The following MRPS21 variants were observed in gnomAD, a reference collection of about 807,000 sequenced individuals.
MRPS21 encodes mitochondrial ribosomal protein S21.
A neutral mutation model predicts 9.9 loss-of-function variants in MRPS21; 8 were observed. The ratio of observed to expected loss-of-function variants is 0.81; its 90% CI spans 0.47 to 1.45. MRPS21 has a LOEUF of 1.45. Among genes scored for constraint, MRPS21 ranks in the 40% most tolerant of loss-of-function variants. The pLI is 0.00. For missense variants in MRPS21, 101 were observed against 118.9 expected (o/e 0.85, Z 0.70); for synonymous variants, 40 against 40.3 (o/e 0.99, Z 0.03).
At chr1:150,302,828 G>A (rs1297452718) in intron 2 of MRPS21, among the ~76,000 whole-genome samples, 2 of 152,164 alleles carry the variant, frequency 1.3e-5, no homozygotes, top group African/African-American at 4.8e-5. Flanking sequence ...GGACTCTGGG[G>A]CATTTGAAGA....
At chr1:150,294,081 C>T (rs1471258533) in intron 1 of MRPS21, 183 bp downstream of exon 1, 9 of 367,918 alleles carry the variant, frequency 2.4e-5, no homozygotes, top group Non-Finnish European at 4.2e-5. Context: ...TCGTGTCCTT[C>T]TCATGCCCGG....
At position 150,294,444 on chromosome 1, in the gene MRPS21, A is replaced by C; in HGVS notation, c.78A>C (p.Leu26=). The C allele has an allele frequency of 6.2e-7, 1 of 1,610,364 alleles. No individual in the cohort carries two copies. The highest frequency in any genetic ancestry group is 8.5e-7 in the Non-Finnish European group (1 of 1,176,704). Residue 26 remains leucine (L), a synonymous_variant, in exon 2 of 3, where the codon CTA becomes CTC. Transcript: ENST00000614145. The part of the protein sequence containing the change: ...EGNVESAYRT[L]NRILTMDGLI... Reference sequence around the variant, plus strand: ...ACGTGGAAAGCGCATACAGGACCCTAAACAGGTAACTGTTAAGGGACCAGA... The same window carrying C: ...ACGTGGAAAGCGCATACAGGACCCTCAACAGGTAACTGTTAAGGGACCAGA...
intron 2 of MRPS21, among the ~76,000 whole-genome samples, chr1:150,301,928 C>G (rs587609013): frequency 1.3e-5 from 2 of 152,272 alleles, no homozygotes; most frequent in South Asian, 4.1e-4. Flanking sequence ...TAAGGACTTT[C>G]AAGCTTGCAT....
At chr1:150,301,327 C>T (rs1452556879) in intron 2 of MRPS21, 5 of 267,752 alleles carry the variant, frequency 1.9e-5, no homozygotes, top group African/African-American at 3.1e-5. Flanking sequence ...GAGAGCGAGA[C>T]TTCGTCTCAA....
intron 2 of MRPS21, among the ~76,000 whole-genome samples, chr1:150,300,076 C>G (rs1654061595): frequency 6.6e-6 from 1 of 151,870 alleles, no homozygotes; most frequent in East Asian, 1.9e-4. Flanking sequence ...GGCACAGTGA[C>G]TCATGCCTGT....
chr1:150,302,117 T>C (rs1654159101), intron 2 of MRPS21, among the ~76,000 whole-genome samples: 1 of 152,228 alleles, frequency 6.6e-6, no homozygotes, highest in South Asian at 2.1e-4. Context: ...CTGATCTCTT[T>C]CAGCTTTCTC....
chr1:150,298,923 AAG>A (rs1381889380), intron 2 of MRPS21, among the ~76,000 whole-genome samples: 6 of 152,260 alleles, frequency 3.9e-5, no homozygotes, highest in African/African-American at 1.4e-4. Flanking sequence ...CAGTTGTATC[AAG>A]AGAGTAGCGG....
intron 1 of MRPS21, 114 bp from the exon 2 acceptor site, chr1:150,294,221 C>T (rs1389762230): frequency 4.6e-6 from 3 of 658,502 alleles, no homozygotes; most frequent in Non-Finnish European, 8.2e-6. Flanking sequence ...TGCTCCATCT[C>T]GCGCGTCCCT....
chr1:150,305,276 T>C (rs1572152023), intron 2 of MRPS21, among the ~76,000 whole-genome samples: 1 of 152,170 alleles, frequency 6.6e-6, no homozygotes, highest in Non-Finnish European at 1.5e-5. Flanking sequence ...TGGGCTCAAG[T>C]GATCCTCCCA....
At chr1:150,301,918 T>G (rs1473181287) in intron 2 of MRPS21, among the ~76,000 whole-genome samples, 2 of 152,120 alleles carry the variant, frequency 1.3e-5, no homozygotes, top group Non-Finnish European at 2.9e-5. Context: ...ATTTTCTAGG[T>G]AAGGACTTTC....
intron 2 of MRPS21, among the ~76,000 whole-genome samples, chr1:150,302,805 A>G (rs1353723432): frequency 6.6e-6 from 1 of 152,076 alleles, no homozygotes; most frequent in African/African-American, 2.4e-5. Flanking sequence ...TTGAGTAGAT[A>G]CCTCTACTAT....
rs1410254698 is a variant in MRPS21, at chr1:150,308,283, CT to C, written c.*59del. On this transcript the variant is annotated 3_prime_UTR_variant, in exon 3 of 3. Transcript: ENST00000614145. ...CCCTCATCCAGTTTTCTCTCCATCT[CT>C]TTTCTTTGTACAATCCCATTTCCTA... 1.4e-5 allele frequency: 21 copies of C among 1,531,316 alleles called. No individual in the cohort carries two copies. In the African/African-American group the frequency reaches 2.7e-4, roughly 20 times the overall value. The allele number at this position is 1,531,316 out of a possible 1,614,324, so 94.9% of individuals were successfully genotyped here.
At chr1:150,298,379 T>G (rs1553856953) in intron 2 of MRPS21, among the ~76,000 whole-genome samples, 1 of 152,242 alleles carries the variant, frequency 6.6e-6, no homozygotes, top group African/African-American at 2.4e-5. Flanking sequence ...CTGTATGATT[T>G]ATTTTGGTAG....
At chr1:150,294,246 T>A in intron 1 of MRPS21, 89 bp from the exon 2 acceptor site, 1 of 870,530 alleles carries the variant, frequency 1.1e-6, no homozygotes, top group Non-Finnish European at 1.9e-6. Flanking sequence ...ATGTTGAATT[T>A]CCAAATCCTA....
chr1:150,302,330 T>A (rs967957298), intron 2 of MRPS21, among the ~76,000 whole-genome samples: 7 of 152,052 alleles, frequency 4.6e-5, no homozygotes, highest in African/African-American at 1.7e-4. Flanking sequence ...CCCTCATTGG[T>A]GCCCCGGGAT....
intron 1 of MRPS21, 65 bp downstream of exon 1, chr1:150,293,963 T>C (rs1411221947): frequency 1.4e-5 from 3 of 214,500 alleles, no homozygotes; most frequent in African/African-American, 6.8e-5. Context: ...GTTTGCGGGC[T>C]TTCGCCCCCT....
intron 2 of MRPS21, among the ~76,000 whole-genome samples, chr1:150,296,805 C>A (rs1653928967): frequency 6.6e-6 from 1 of 151,858 alleles, no homozygotes; most frequent in African/African-American, 2.4e-5. Flanking sequence ...GTTCATTTTC[C>A]AATTTAGAAT....
intron 2 of MRPS21, among the ~76,000 whole-genome samples, chr1:150,295,952 CT>C (rs35860472): frequency 0.5 from 57,967 of 115,710 alleles, 12,126 homozygotes; most frequent in East Asian, 0.71. Flanking sequence ...CCTAGTAATA[CT>C]TTTTTTTTTT....
intron 2 of MRPS21, among the ~76,000 whole-genome samples, chr1:150,295,195 C>T (rs1012096995): frequency 1.1e-4 from 16 of 151,870 alleles, no homozygotes; most frequent in African/African-American, 3.6e-4. Context: ...GGGGTTTCAC[C>T]GTGTTGGCCA....
Sources: allele counts gnomAD v4.1 joint callset (sites outside exome capture counted in the v4.1 genomes callset), GRCh38; gene constraint gnomAD v4.1.1; transcripts MANE v1.5; gene names NCBI Gene and HGNC (gene_info 2026-07-23, HGNC 2026-07-21).